CFAP65: variants seen among roughly 807,000 people sequenced by gnomAD.
CFAP65 encodes cilia- and flagella-associated protein 65.
A neutral mutation model predicts 208.0 loss-of-function variants in CFAP65; 155 were observed. The observed-to-expected ratio is 0.75, with a 90% CI of 0.65 to 0.85. The LOEUF (loss-of-function observed/expected upper bound fraction) is 0.85, where lower values mean the gene tolerates loss of function less well. CFAP65 is among the 40% of genes least tolerant of loss of function. CFAP65 has a pLI of 0.00. For missense variants in CFAP65, 2,294 were observed against 2,451.3 expected (o/e 0.94, Z 1.36); for synonymous variants, 970 against 986.3 (o/e 0.98, Z 0.31).
At chr2:219,005,394 T>C in intron 32 of CFAP65, 40 bp downstream of exon 32, 1 of 1,612,392 alleles carries the variant, frequency 6.2e-7, no homozygotes, top group Non-Finnish European at 8.5e-7. Flanking sequence ...GCTGGAGGGA[T>C]GCGAAGGTGG....
Position 219,035,095 on chromosome 2 carries a change from C to T in CFAP65, c.542+385G>A, listed in dbSNP as rs138582165. On this transcript the variant is annotated intron_variant, in intron 5 of 34. Coordinates refer to ENST00000341552, the MANE Select transcript of CFAP65 (RefSeq NM_194302.4). Reference sequence around the variant, plus strand: ...CGCAAGGTCACCAATTTAACAACTACGCAGGAAAAAAAAAAAAAAAACCTT... The same window carrying T: ...CGCAAGGTCACCAATTTAACAACTATGCAGGAAAAAAAAAAAAAAAACCTT... 1.7e-3 allele frequency: 728 copies of T among 434,572 alleles called. 4 individuals are homozygous for T. The highest frequency in any genetic ancestry group is 0.015 in the African/African-American group (680 of 46,612). 26.9% of individuals were successfully genotyped at this position (434,572 alleles called of 1,614,324 possible).
Position 219,032,491 on chromosome 2 carries a change from G to T in CFAP65, c.624C>A (p.Ile208=). 1 of 1,601,624 alleles carries T rather than the reference G, an allele frequency of 6.2e-7. No homozygotes were observed. Among genetic ancestry groups the T allele is most frequent in the South Asian group, 1.1e-5 (1 of 88,334 alleles). The change falls in exon 6 of 35, where the codon ATC becomes ATA. Residue 208 remains isoleucine (I), a synonymous_variant. Transcript: ENST00000341552. The surrounding 1 kb of genome is among the most constrained non-coding windows in gnomAD (Gnocchi z 5.5). The part of the protein sequence containing the change: ...LSPGITLTLP[I]VFRPLEAKEY... ...TTACCGCCTCCAGAGGCCGGAAGAC[G>T]ATGGGGAGCGTGAGGGTTATGCCTG...
intron 29 of CFAP65, 62 bp downstream of exon 29, chr2:219,008,984 GT>G (rs1946231801): frequency 7.1e-7 from 1 of 1,417,218 alleles, no homozygotes; most frequent in Non-Finnish European, 9.9e-7. Context: ...CACTACCTCT[GT>G]CCCCTCTGGT....
In CFAP65 at chr2:219,035,455, G is replaced by A. The variant is rs759902103; in HGVS notation, c.542+25C>T. The A allele has an allele frequency of 2.5e-6, 4 of 1,613,900 alleles. No individual in the cohort carries two copies. In the African/African-American group the frequency reaches 5.3e-5, roughly 22 times the overall value. Reference sequence around the variant, plus strand: ...TTCGGGGCTCAAGGCTGTGGCACTGGGTCCTTGATCCCTTATACTGGTACC... The same window carrying A: ...TTCGGGGCTCAAGGCTGTGGCACTGAGTCCTTGATCCCTTATACTGGTACC... On this transcript the variant is annotated intron_variant, in intron 5 of 34. Transcript: ENST00000341552.
At chr2:219,039,123 A>G in intron 2 of CFAP65, 73 bp from the exon 3 acceptor site, 2 of 1,314,074 alleles carry the variant, frequency 1.5e-6, no homozygotes, top group Non-Finnish European at 2.1e-6. Context: ...TGTAGCTGAA[A>G]TCATATGCAA....
intron 4 of CFAP65, among the ~76,000 whole-genome samples, chr2:219,037,455 G>C (rs528732781): frequency 2.6e-5 from 4 of 152,320 alleles, no homozygotes; most frequent in African/African-American, 9.6e-5. Context: ...ACCATGAGTA[G>C]TGAAGGAACC....
intron 16 of CFAP65, 94 bp from the exon 17 acceptor site, chr2:219,022,423 G>A (rs1388350383): frequency 4.3e-6 from 6 of 1,404,922 alleles, no homozygotes; most frequent in Non-Finnish European, 4.9e-6. Flanking sequence ...GTCATGCTAC[G>A]TTAGCCCTTT....
chr2:219,038,192 A>G (rs1948472847), intron 4 of CFAP65, among the ~76,000 whole-genome samples, 183 bp downstream of exon 4: 1 of 152,236 alleles, frequency 6.6e-6, no homozygotes, highest in African/African-American at 2.4e-5. Context: ...TGGCCAATAT[A>G]GTATTTTCTT....
intron 4 of CFAP65, among the ~76,000 whole-genome samples, chr2:219,036,626 T>C (rs934483575): frequency 6.6e-6 from 1 of 152,052 alleles, no homozygotes; most frequent in African/African-American, 2.4e-5. Flanking sequence ...TGTATTTCTG[T>C]AGAGATGGGG....
At chr2:219,030,303 G>A (rs1947931762) in intron 9 of CFAP65, 95 bp from the exon 10 acceptor site, 3 of 1,292,014 alleles carry the variant, frequency 2.3e-6, no homozygotes, top group African/African-American at 3.0e-5. Context: ...GCCTAGCCAA[G>A]GGGGTGGGGG....
At chr2:219,021,081 C>A (rs1947234468) in intron 19 of CFAP65, 71 bp downstream of exon 19, 1 of 1,444,728 alleles carries the variant, frequency 6.9e-7, no homozygotes, top group Non-Finnish European at 9.2e-7. Context: ...GCATCCACTG[C>A]CTCACACAGC....
chr2:219,014,080 G>A (rs1457037945), intron 21 of CFAP65, 36 bp from the exon 22 acceptor site: 2 of 1,563,476 alleles, frequency 1.3e-6, no homozygotes, highest in Non-Finnish European at 1.7e-6. Flanking sequence ...AAAGAAACTG[G>A]TCAGGCAGAA....
chr2:219,023,225 G>T lies in CFAP65; in HGVS notation c.2802C>A (p.Ile934=), dbSNP rs146417352. 1.3e-3 allele frequency: 2,056 copies of T among 1,612,176 alleles called. 15 individuals carry two copies. The highest frequency in any genetic ancestry group is 9.1e-3 in the Middle Eastern group (53 of 5,840). ...CACTCACAAGTCTCTCGTTGGGCTG[G>T]ATTAGCCCCCTGGAGGGCTGGACAG... The part of the protein sequence containing the change: ...LLAVQPSRGL[I]QPNERLTLTW... The change falls in exon 16 of 35, where the codon ATC becomes ATA. Residue 934 remains isoleucine, a synonymous_variant. Transcript: ENST00000341552.
Position 219,038,567 on chromosome 2 carries a change from C to T in CFAP65, c.165G>A (p.Gln55=), listed in dbSNP as rs767279540. 133 of 1,613,628 alleles carry T rather than the reference C, an allele frequency of 8.2e-5. 3 individuals carry two copies. The South Asian group carries it at 1.3e-3, about 15-fold the overall frequency. The change falls in exon 4 of 35, where the codon CAG becomes CAA. Residue 55 remains glutamine (Q), a synonymous_variant. Coordinates refer to ENST00000341552, the MANE Select transcript of CFAP65 (RefSeq NM_194302.4). ...TGGGACACAGTCCAAAGGGAGCACTCTGAGTATGGAGCTGGGAAGAGAGCA... is the reference window on the plus strand; with the variant it reads ...TGGGACACAGTCCAAAGGGAGCACTTTGAGTATGGAGCTGGGAAGAGAGCA... ...ESKSQIKLHT[Q]SAPFGLCPKD... is the part of the protein sequence containing the mutation.
chr2:219,009,468 T>C lies in CFAP65; in HGVS notation c.4453-8A>G. On this transcript the variant is annotated splice_polypyrimidine_tract_variant and splice_region_variant and intron_variant, in intron 27 of 34. Transcript: ENST00000341552. The stretch of plus-strand genomic sequence containing the variant: ...CATGGGACTCACAGACACCTGTTGA[T>C]TTGGGGAAGGAGTCTCTGGAGATTC... 7 of 1,590,042 alleles carry C rather than the reference T, an allele frequency of 4.4e-6. No individual in the cohort carries two copies. Among genetic ancestry groups the C allele is most frequent in the Non-Finnish European group, 6.0e-6 (7 of 1,159,494 alleles).
chr2:219,019,617 C>G lies in CFAP65; in HGVS notation c.3362G>C (p.Gly1121Ala), dbSNP rs757848765. The G allele has an allele frequency of 6.2e-7, 1 of 1,613,718 alleles. No homozygotes were observed. The highest frequency in any genetic ancestry group is 1.1e-5 in the South Asian group (1 of 91,092). Residue 1121 changes from glycine to alanine, a missense_variant, in exon 20 of 35, where the codon GGT (glycine) becomes GCT (alanine). Coordinates refer to ENST00000341552, the MANE Select transcript of CFAP65 (RefSeq NM_194302.4). ...GCGCCACAGGTGCTTCCGGGTGATA[C>G]CCTCAGCACTGCCCATGGAGCTGAC... Reference protein sequence around the residue: ...LDVSSMGSAEGITRKHLWRLF... With the variant: ...LDVSSMGSAEAITRKHLWRLF...
chr2:219,010,515 C>A, intron 26 of CFAP65, 31 bp downstream of exon 26: 6 of 1,599,266 alleles, frequency 3.8e-6, no homozygotes, highest in Non-Finnish European at 5.1e-6. Flanking sequence ...TCCCACAAGG[C>A]CTCAGGCCTT....
At chr2:219,006,329 G>A in intron 30 of CFAP65, 106 bp from the exon 31 acceptor site, 1 of 1,463,224 alleles carries the variant, frequency 6.8e-7, no homozygotes, top group Non-Finnish European at 9.5e-7. Context: ...GGCCACATAA[G>A]CGTGTGACCC....
Position 219,021,799 on chromosome 2 carries a change from G to A in CFAP65, c.3111C>T (p.Ala1037=), listed in dbSNP as rs200628193. 104 of 1,613,634 alleles carry A rather than the reference G, an allele frequency of 6.4e-5. No homozygotes were observed. The East Asian group carries it at 1.9e-3, about 30-fold the overall frequency. ...AAGTACCGAGGGGGTGGTTGTCAAC[G>A]GCCTCAGGGCTGCCCTGCTCCAGGT... ...RLYLEQGSPE[A]VDNHPLALQL... is the part of the protein sequence containing the mutation. Residue 1037 remains alanine, a synonymous_variant, in exon 18 of 35, where the codon GCC becomes GCT. Coordinates refer to ENST00000341552, the MANE Select transcript of CFAP65 (RefSeq NM_194302.4).
Sources: allele counts gnomAD v4.1 joint callset (sites outside exome capture counted in the v4.1 genomes callset), GRCh38; gene constraint gnomAD v4.1.1; non-coding constraint Gnocchi (gnomAD v3.1); transcripts MANE v1.5; gene names NCBI Gene and HGNC (gene_info 2026-07-23, HGNC 2026-07-21).